BBS9: variants seen among roughly 807,000 people sequenced by gnomAD.
BBS9 encodes the protein protein PTHB1.
A neutral mutation model predicts 117.7 loss-of-function variants in BBS9; 89 were observed. The ratio of observed to expected loss-of-function variants is 0.76; its 90% CI spans 0.64 to 0.90. The LOEUF is 0.90. Among genes scored for constraint, BBS9 ranks in the 40% least tolerant of loss-of-function variants. The probability of loss-of-function intolerance (pLI) is 0.00; values close to 1 mark genes in which losing one functional copy is unlikely to be tolerated. For synonymous variants in BBS9, 379 were observed against 370.9 expected (o/e 1.02, Z -0.25); for missense variants, 982 against 1,042.2 (o/e 0.94, Z 0.80).
intron 1 of BBS9, among the ~76,000 whole-genome samples, chr7:33,130,682 A>G (rs1231949868): frequency 1.3e-5 from 2 of 152,152 alleles, no homozygotes; most frequent in Non-Finnish European, 2.9e-5. Context: ...ACTTATTAGC[A>G]TTTTATAAAG....
At chr7:33,437,386 T>C (rs1480810176) in intron 19 of BBS9, among the ~76,000 whole-genome samples, 1 of 152,188 alleles carries the variant, frequency 6.6e-6, no homozygotes, top group Non-Finnish European at 1.5e-5. Flanking sequence ...TCAGGTTAAC[T>C]CCAGGGTATT....
At chr7:33,145,966 G>A (rs1792278669) in intron 1 of BBS9, among the ~76,000 whole-genome samples, 1 of 152,154 alleles carries the variant, frequency 6.6e-6, no homozygotes, top group African/African-American at 2.4e-5. Context: ...CTGTTCTTTT[G>A]TTATTTTCTG....
intron 6 of BBS9, among the ~76,000 whole-genome samples, chr7:33,263,733 A>T (rs1032326859): frequency 6.6e-6 from 1 of 152,118 alleles, no homozygotes; most frequent in Non-Finnish European, 1.5e-5. Flanking sequence ...ACCAAATAGT[A>T]GGCACTTTAT....
intron 21 of BBS9, among the ~76,000 whole-genome samples, chr7:33,567,333 C>T (rs1857074378): frequency 1.3e-5 from 2 of 152,208 alleles, no homozygotes; most frequent in Admixed American, 6.5e-5. Flanking sequence ...CCAGGACTCT[C>T]AGTAGCTGTT....
intron 5 of BBS9, among the ~76,000 whole-genome samples, chr7:33,249,845 G>A (rs1795961848): frequency 6.6e-6 from 1 of 152,174 alleles, no homozygotes; most frequent in Non-Finnish European, 1.5e-5. Context: ...TGTGGATCAA[G>A]TATAATTGCC....
chr7:33,557,114 A>G (rs983578791), intron 21 of BBS9, among the ~76,000 whole-genome samples: 3 of 152,156 alleles, frequency 2.0e-5, no homozygotes, highest in Non-Finnish European at 4.4e-5. Flanking sequence ...ACAAATGCCA[A>G]TAATAATATT....
At chr7:33,207,357 A>G (rs1316912244) in intron 5 of BBS9, among the ~76,000 whole-genome samples, 1 of 152,160 alleles carries the variant, frequency 6.6e-6, no homozygotes, top group Non-Finnish European at 1.5e-5. Flanking sequence ...TACTGTAAGC[A>G]GTAGATCTTT....
At chr7:33,541,556 C>T (rs1852302200) in intron 21 of BBS9, among the ~76,000 whole-genome samples, 1 of 152,116 alleles carries the variant, frequency 6.6e-6, no homozygotes, top group Non-Finnish European at 1.5e-5. Context: ...TCCAAATATC[C>T]ATCAACTGAT....
At chr7:33,233,562 T>G (rs906875451) in intron 5 of BBS9, among the ~76,000 whole-genome samples, 1 of 152,176 alleles carries the variant, frequency 6.6e-6, no homozygotes, top group Non-Finnish European at 1.5e-5. Flanking sequence ...TTCTGTCATA[T>G]CAAGCATTTT....
At chr7:33,565,752 A>C (rs1031458433) in intron 21 of BBS9, among the ~76,000 whole-genome samples, 1 of 134,148 alleles carries the variant, frequency 7.5e-6, no homozygotes, top group African/African-American at 2.8e-5. Flanking sequence ...CAGAGCCCAG[A>C]TCAATACAAA....
chr7:33,575,187 A>C (rs565214047), intron 21 of BBS9, among the ~76,000 whole-genome samples: 1 of 152,246 alleles, frequency 6.6e-6, no homozygotes, highest in Admixed American at 6.5e-5. Flanking sequence ...AGAAGAATTG[A>C]TGCTGCATGC....
intron 20 of BBS9, among the ~76,000 whole-genome samples, chr7:33,531,296 G>A (rs1850544880): frequency 6.6e-6 from 1 of 152,162 alleles, no homozygotes; most frequent in South Asian, 2.1e-4. Context: ...TAGAAGAAGA[G>A]ATGTGGCAAG....
rs139620288 is a variant in BBS9 at position 33,296,054 on chromosome 7, A to G, written c.1016+22098A>G. Among the ~76,000 whole-genome samples the G allele has an allele frequency of 2.6e-5, 4 of 152,124 alleles. No individual in the cohort carries two copies. In the South Asian group the frequency reaches 6.2e-4, roughly 24 times the overall value. On this transcript the variant is annotated intron_variant, in intron 9 of 22. Transcript: ENST00000242067. ...CTATTAATCACAGAATTAAACAACC[A>G]TGTAAAAATTAAACCTACTTATACG...
At chr7:33,348,569 C>T (rs772485505) in intron 12 of BBS9, among the ~76,000 whole-genome samples, 1 of 152,082 alleles carries the variant, frequency 6.6e-6, no homozygotes, top group African/African-American at 2.4e-5. Context: ...CCTATGTTTT[C>T]GTTTCTCTTG....
At chr7:33,391,229 C>T (rs1306705196) in intron 19 of BBS9, among the ~76,000 whole-genome samples, 1 of 152,154 alleles carries the variant, frequency 6.6e-6, no homozygotes, top group Non-Finnish European at 1.5e-5. Context: ...CATGAAATAA[C>T]AAGCCATGCT....
chr7:33,392,125 C>G (rs1000769550), intron 19 of BBS9, among the ~76,000 whole-genome samples: 1 of 152,204 alleles, frequency 6.6e-6, no homozygotes, highest in Non-Finnish European at 1.5e-5. Context: ...CCCTGCTTAT[C>G]GCATATTCCA....
At chr7:33,500,464 T>G (rs1845290737) in intron 19 of BBS9, among the ~76,000 whole-genome samples, 1 of 152,226 alleles carries the variant, frequency 6.6e-6, no homozygotes, top group Non-Finnish European at 1.5e-5. Context: ...AGGCAGTGTG[T>G]TCAGATGCCT....
At chr7:33,191,172 A>G (rs1008221531) in intron 5 of BBS9, among the ~76,000 whole-genome samples, 2 of 152,174 alleles carry the variant, frequency 1.3e-5, no homozygotes, top group African/African-American at 2.4e-5. Context: ...GCAGCAACAT[A>G]CAGTCTTTTA....
rs531779510 is a variant in BBS9, at chr7:33,481,116, A to G, written c.2116-24347A>G. 4.1e-4 allele frequency among the ~76,000 whole-genome samples: 63 copies of G among 152,346 alleles called. 1 individual carries two copies. Among genetic ancestry groups the G allele is most frequent in the Non-Finnish European group, 2.9e-5 (2 of 68,036 alleles). On this transcript the variant is annotated intron_variant, in intron 19 of 22. Coordinates refer to ENST00000242067, the MANE Select transcript of BBS9 (RefSeq NM_198428.3). Reference sequence around the variant, plus strand: ...CTAAGACAGAATGAATAAGGGATACATGAATGAAGAGGTGGAACTTGTATT... The same window carrying G: ...CTAAGACAGAATGAATAAGGGATACGTGAATGAAGAGGTGGAACTTGTATT...
Sources: allele counts gnomAD v4.1 joint callset (sites outside exome capture counted in the v4.1 genomes callset), GRCh38; gene constraint gnomAD v4.1.1; transcripts MANE v1.5; gene names NCBI Gene and HGNC (gene_info 2026-07-23, HGNC 2026-07-21).